Variants in FOCAD observed in about 807,000 individuals in gnomAD.
FOCAD encodes focadhesin.
FOCAD carries 198 observed loss-of-function variants against 225.6 expected under a neutral mutation model. That is an observed-to-expected ratio of 0.88 (90% CI 0.78 to 0.99). The LOEUF (loss-of-function observed/expected upper bound fraction) is 0.99. FOCAD is among the 50% of genes least tolerant of loss of function. The pLI, the probability that FOCAD is intolerant of heterozygous loss-of-function variation, is 0.00. For missense variants in FOCAD, 2,713 were observed against 2,123.6 expected, an observed-to-expected ratio of 1.28 and a Z score of -5.46; for synonymous variants, 897 against 755.0, an observed-to-expected ratio of 1.19 and a Z score of -3.08.
chr9:20,757,394 T>G (rs181830181), intron 5 of FOCAD, among the ~76,000 whole-genome samples: 119 of 152,328 alleles, frequency 7.8e-4, no homozygotes, highest in South Asian at 1.4e-3. Flanking sequence ...TGTTTTTTTT[T>G]GGGGTTAAAC....
intron 35 of FOCAD, among the ~76,000 whole-genome samples, chr9:20,970,408 A>T (rs770309621): frequency 7.9e-5 from 12 of 151,910 alleles, no homozygotes; most frequent in Non-Finnish European, 1.6e-4. Flanking sequence ...GAGTGATTTT[A>T]GTTGACGTAT....
intron 15 of FOCAD, among the ~76,000 whole-genome samples, chr9:20,857,586 T>C (rs1282783310): frequency 1.3e-5 from 2 of 151,924 alleles, no homozygotes; most frequent in Non-Finnish European, 2.9e-5. Flanking sequence ...CCTTTCTTTC[T>C]TTTGCTTGAT....
intron 32 of FOCAD, 152 bp downstream of exon 32, chr9:20,949,080 T>A: frequency 1.5e-6 from 1 of 653,244 alleles, no homozygotes; most frequent in Non-Finnish European, 2.6e-6. Flanking sequence ...GCTGTATGAA[T>A]AATTGCACTT....
In FOCAD at chr9:20,715,404, A is replaced by G. The variant is rs141452536; in HGVS notation, c.51A>G (p.Gln17=). 8.1e-5 allele frequency: 122 copies of G among 1,509,890 alleles called. 2 individuals carry two copies. Among genetic ancestry groups the G allele is most frequent in the Non-Finnish European group, 9.1e-5 (102 of 1,121,254 alleles). The allele number at this position is 1,509,890 out of a possible 1,614,324, so 93.5% of individuals were successfully genotyped here. A position where few individuals can be genotyped will look rare whatever the true frequency, so the allele number is the denominator to read the frequency against. Reference sequence around the variant, plus strand: ...TTGAATTTCCAAATTCTCTTATCCAATCACAGGTAATTTTGTTTGTTTATT... The same window carrying G: ...TTGAATTTCCAAATTCTCTTATCCAGTCACAGGTAATTTTGTTTGTTTATT... ...KRFEFPNSLI[Q]SQAVGHLIAA... The change falls in exon 2 of 44, where the codon CAA becomes CAG. Residue 17 remains glutamine (Q), a synonymous_variant. Coordinates refer to ENST00000338382, the MANE Select transcript of FOCAD (RefSeq NM_001375567.1).
upstream of FOCAD, among the ~76,000 whole-genome samples, chr9:20,682,084 TC>T (rs1224002016): frequency 6.6e-6 from 1 of 152,214 alleles, no homozygotes; most frequent in Non-Finnish European, 1.5e-5. Context: ...GTAATCTATT[TC>T]CCCTTCTATC....
chr9:20,939,386 C>G (rs145305234), intron 28 of FOCAD, among the ~76,000 whole-genome samples: 1 of 152,052 alleles, frequency 6.6e-6, no homozygotes, highest in Non-Finnish European at 1.5e-5. Flanking sequence ...CCTCCTCTTA[C>G]CACCCAAAGA....
At chr9:20,959,446 C>G (rs1413499860) in intron 35 of FOCAD, among the ~76,000 whole-genome samples, 4 of 152,102 alleles carry the variant, frequency 2.6e-5, no homozygotes, top group Non-Finnish European at 4.4e-5. Flanking sequence ...AGTCCCTTGT[C>G]AGATGAATAA....
At chr9:20,987,726 G>A (rs1841314568) in intron 40 of FOCAD, among the ~76,000 whole-genome samples, 1 of 152,156 alleles carries the variant, frequency 6.6e-6, no homozygotes, top group Non-Finnish European at 1.5e-5. Flanking sequence ...ATTTGATGTT[G>A]CCTTTGGTTC....
chr9:20,920,375 C>T (rs371864511), intron 24 of FOCAD, among the ~76,000 whole-genome samples: 40,180 of 123,458 alleles, frequency 0.33, 6,771 homozygotes, highest in East Asian at 0.41. Flanking sequence ...GGACTGTAAA[C>T]TAGTTCAACC....
chr9:20,971,134 A>G (rs1399812153), intron 35 of FOCAD, among the ~76,000 whole-genome samples: 1 of 152,054 alleles, frequency 6.6e-6, no homozygotes, highest in African/African-American at 2.4e-5. Context: ...GCTGACAGAG[A>G]TTTCCTTGAA....
In FOCAD at chr9:20,976,557, C is replaced by A. The variant is rs758159364; in HGVS notation, c.4261+9C>A. 6.2e-7 allele frequency: 1 copy of A among 1,611,876 alleles called. No individual in the cohort carries two copies. ...TATGAGGCTAAATTTTGGTAAATATCATGTGTTTTTAAGTCTTCAGACTTT... is the reference window on the plus strand; with the variant it reads ...TATGAGGCTAAATTTTGGTAAATATAATGTGTTTTTAAGTCTTCAGACTTT... On this transcript the variant is annotated intron_variant, in intron 36 of 43. Transcript: ENST00000338382.
chr9:20,819,340 A>G (rs1824070252), intron 11 of FOCAD, among the ~76,000 whole-genome samples: 1 of 152,066 alleles, frequency 6.6e-6, no homozygotes, highest in Admixed American at 6.6e-5. Context: ...TACCTTCCCA[A>G]GTAGCTGGGG....
Position 20,717,795 on chromosome 9 carries a change from C to G in FOCAD, c.59C>G (p.Ala20Gly), listed in dbSNP as rs1314305915. ...EFPNSLIQSQ[A>G]VGHLIAAVLK... Reference sequence around the variant, plus strand: ...TCATTAATTTTATTTCTTTTTAAGGCTGTGGGTCATCTTATTGCTGCAGTC... The same window carrying G: ...TCATTAATTTTATTTCTTTTTAAGGGTGTGGGTCATCTTATTGCTGCAGTC... Residue 20 changes from alanine to glycine, a missense_variant and splice_region_variant, in exon 3 of 44, where the codon GCT becomes GGT. Physicochemically the swap from Ala to Gly is moderately conservative, Grantham distance 60 (BLOSUM62 0). Transcript: ENST00000338382. The G allele has an allele frequency of 1.6e-5, 25 of 1,610,296 alleles. No individual in the cohort carries two copies. Among genetic ancestry groups the G allele is most frequent in the Non-Finnish European group, 1.9e-5 (22 of 1,178,132 alleles).
intron 7 of FOCAD, among the ~76,000 whole-genome samples, chr9:20,765,374 G>A (rs1829967020): frequency 1.3e-5 from 2 of 151,950 alleles, no homozygotes; most frequent in Admixed American, 1.3e-4. Context: ...AAGATTTTGA[G>A]TTGAGTTTCT....
At chr9:20,968,715 A>G (rs1359475621) in intron 35 of FOCAD, among the ~76,000 whole-genome samples, 4 of 151,992 alleles carry the variant, frequency 2.6e-5, no homozygotes, top group African/African-American at 9.7e-5. Context: ...TTGGGATTAC[A>G]GGCATGAGCC....
At chr9:20,789,733 T>C (rs1246369511) in intron 11 of FOCAD, 125 bp downstream of exon 11, 18 of 1,211,564 alleles carry the variant, frequency 1.5e-5, no homozygotes, top group Non-Finnish European at 2.0e-5. Context: ...TTTTTTTTTT[T>C]TTTGCTATCT....
At position 20,770,144 on chromosome 9, in the gene FOCAD, A is replaced by T. The variant is rs1417250893; in HGVS notation, c.812A>T (p.Gln271Leu). ...ATTCAGCTTACCCAGATGAGTCTTC[A>T]GCTGCTGTGTGTCAGTGAAGTCAGC... is the stretch of plus-strand genomic sequence containing the variant. The part of the protein sequence containing the change: ...WKIQLTQMSL[Q>L]LLCVSEVSLK... The change falls in exon 8 of 44, where the codon CAG (glutamine) becomes CTG (leucine). Residue 271 changes from glutamine (Q) to leucine (L), a missense_variant. By Grantham distance (113) the Gln-to-Leu change is moderately radical. Transcript: ENST00000338382. 1 of 1,613,992 alleles carries T rather than the reference A, an allele frequency of 6.2e-7. No homozygotes were observed. The highest frequency in any genetic ancestry group is 1.3e-5 in the African/African-American group (1 of 74,922).
In FOCAD at chr9:20,851,225, G is replaced by A. The variant is rs768425752; in HGVS notation, c.1921-11353G>A. 2.9e-4 allele frequency among the ~76,000 whole-genome samples: 43 copies of A among 146,330 alleles called. 1 individual carries two copies. Among genetic ancestry groups the A allele is most frequent in the Middle Eastern group, 3.4e-3 (1 of 290 alleles). ...AAAGAGTTTTGGTTTTTTTTTTTTCGTGGGGTGGGGGGGTGTTATTATTTA... is the reference window on the plus strand; with the variant it reads ...AAAGAGTTTTGGTTTTTTTTTTTTCATGGGGTGGGGGGGTGTTATTATTTA... On this transcript the variant is annotated intron_variant, in intron 15 of 43. Transcript: ENST00000338382.
chr9:20,852,473 T>A (rs758867255), intron 15 of FOCAD, among the ~76,000 whole-genome samples: 8 of 135,236 alleles, frequency 5.9e-5, no homozygotes, highest in Admixed American at 4.0e-4. Context: ...ATACATAGGG[T>A]GGGGGTGGGA....
Sources: gnomAD v4.1 joint callset for allele counts (sites outside exome capture counted in the v4.1 genomes callset) on GRCh38, gnomAD v4.1.1 for gene constraint, MANE v1.5 for transcripts, NCBI Gene and HGNC (gene_info 2026-07-23, HGNC 2026-07-21) for gene names.